Variants in EXOC2 observed in about 807,000 individuals in gnomAD.
EXOC2 encodes the protein SEC5-like 1.
Under a neutral mutation model 131.8 loss-of-function variants are expected in EXOC2, and 70 were observed. That is an observed-to-expected ratio of 0.53 (90% CI 0.44 to 0.65). EXOC2 has a LOEUF of 0.65. Ranked by LOEUF, EXOC2 falls within the 30% of genes least tolerant of loss-of-function variation. EXOC2 has a pLI of 0.00. For missense variants in EXOC2, 923 were observed against 1,108.6 expected, an observed-to-expected ratio of 0.83 and a Z score of 2.38; for synonymous variants, 411 against 398.4, an observed-to-expected ratio of 1.03 and a Z score of -0.38.
intron 1 of EXOC2, among the ~76,000 whole-genome samples, chr6:687,671 G>C (rs1377725245): frequency 6.6e-6 from 1 of 152,132 alleles, no homozygotes; most frequent in Admixed American, 6.5e-5. Flanking sequence ...TTATACACTT[G>C]CTATGTCCCA....
intron 22 of EXOC2, among the ~76,000 whole-genome samples, chr6:542,624 A>G (rs1756621561): frequency 6.6e-6 from 1 of 152,242 alleles, no homozygotes; most frequent in African/African-American, 2.4e-5. Context: ...CACTTAAGAA[A>G]TTGGACCAGT....
intron 4 of EXOC2, among the ~76,000 whole-genome samples, chr6:627,570 A>AG (rs1360343578): frequency 6.6e-6 from 1 of 152,172 alleles, no homozygotes; most frequent in Non-Finnish European, 1.5e-5. Context: ...TGGCGATGCC[A>AG]GGGATTCCTG....
At chr6:571,730 C>A (rs1758287321) in intron 13 of EXOC2, among the ~76,000 whole-genome samples, 1 of 152,208 alleles carries the variant, frequency 6.6e-6, no homozygotes, top group Non-Finnish European at 1.5e-5. Context: ...CCCCTATCTC[C>A]CCCAGAGCTC....
intron 1 of EXOC2, among the ~76,000 whole-genome samples, chr6:690,196 A>G (rs1400517782): frequency 2.0e-5 from 3 of 152,040 alleles, no homozygotes; most frequent in Non-Finnish European, 2.9e-5. Flanking sequence ...CTCCACAAAT[A>G]ATTTTTAAAA....
chr6:565,061 CTA>C (rs1561863243), intron 13 of EXOC2, 132 bp from the exon 14 acceptor site: 2 of 618,556 alleles, frequency 3.2e-6, no homozygotes, highest in Non-Finnish European at 2.5e-6. Context: ...AAGACATAAT[CTA>C]TGTTTCTGAT....
intron 1 of EXOC2, among the ~76,000 whole-genome samples, chr6:661,530 C>A (rs1315156354): frequency 6.6e-6 from 1 of 152,166 alleles, no homozygotes; most frequent in Non-Finnish European, 1.5e-5. Context: ...AATTTTGTAT[C>A]CATTGAACCT....
intron 2 of EXOC2, among the ~76,000 whole-genome samples, chr6:636,569 A>G (rs1348377126): frequency 1.3e-5 from 2 of 152,216 alleles, no homozygotes; most frequent in Admixed American, 6.5e-5. Flanking sequence ...AGTTTTCTGG[A>G]TGGCCAAAAA....
intron 22 of EXOC2, among the ~76,000 whole-genome samples, chr6:546,528 A>G (rs1756863828): frequency 6.6e-6 from 1 of 152,108 alleles, no homozygotes; most frequent in South Asian, 2.1e-4. Flanking sequence ...GGTCTGAACT[A>G]TGTGGGTCCA....
intron 17 of EXOC2, among the ~76,000 whole-genome samples, chr6:562,268 C>T (rs995143645): frequency 6.6e-5 from 10 of 152,138 alleles, no homozygotes; most frequent in Non-Finnish European, 1.5e-4. Flanking sequence ...GAGGGGCACC[C>T]GTGAGACAAG....
Position 572,619 on chromosome 6 carries a change from C to G in EXOC2, c.1344G>C (p.Arg448Ser). 5 of 1,613,990 alleles carry G rather than the reference C, an allele frequency of 3.1e-6. No individual in the cohort carries two copies. The highest frequency in any genetic ancestry group is 4.2e-6 in the Non-Finnish European group (5 of 1,179,988). The stretch of plus-strand genomic sequence containing the variant: ...TTGTCAATTTTTCAACAAAGGCCAC[C>G]CTGTGGGGAGTTTTGTATCTCCACG... Reference protein sequence around the residue: ...DDTWRYKTPHRVAFVEKLTKL... With the variant: ...DDTWRYKTPHSVAFVEKLTKL... Residue 448 changes from arginine (R) to serine (S), a missense_variant, in exon 13 of 28, where the codon AGG becomes AGC. Physicochemically the swap from Arg to Ser is moderately radical, Grantham distance 110 (BLOSUM62 -1). Transcript: ENST00000230449.
chr6:597,961 A>T, intron 10 of EXOC2, 60 bp downstream of exon 10: 1 of 1,227,898 alleles, frequency 8.1e-7, no homozygotes, highest in Admixed American at 2.0e-5. Context: ...AAGGGTTACA[A>T]GATGCATACA....
intron 6 of EXOC2, among the ~76,000 whole-genome samples, chr6:613,883 TAAATA>T (rs1760843304): frequency 6.6e-6 from 1 of 151,244 alleles, no homozygotes; most frequent in African/African-American, 2.4e-5. Context: ...AAGTATAATT[TAAATA>T]AATAAATAAA....
At chr6:509,138 T>C (rs1235160843) in intron 23 of EXOC2, among the ~76,000 whole-genome samples, 1 of 152,262 alleles carries the variant, frequency 6.6e-6, no homozygotes, top group African/African-American at 2.4e-5. Flanking sequence ...CTTCAGTGCA[T>C]ACGTATCTAC....
intron 7 of EXOC2, among the ~76,000 whole-genome samples, chr6:603,468 G>A (rs770699125): frequency 2.0e-5 from 3 of 152,164 alleles, no homozygotes; most frequent in Non-Finnish European, 2.9e-5. Flanking sequence ...AAGAGCTGAC[G>A]TCAGCACGTA....
chr6:597,219 G>C (rs890379787), intron 10 of EXOC2, among the ~76,000 whole-genome samples: 6 of 151,986 alleles, frequency 3.9e-5, no homozygotes, highest in Non-Finnish European at 7.4e-5. Flanking sequence ...CTGTTGCCCA[G>C]GCTGGAGTGC....
intron 1 of EXOC2, among the ~76,000 whole-genome samples, chr6:646,572 A>T (rs1325737789): frequency 6.6e-6 from 1 of 152,246 alleles, no homozygotes; most frequent in African/African-American, 2.4e-5. Flanking sequence ...TTAGCCTGCT[A>T]AGCTACACAA....
At chr6:495,330 T>A (rs1285522672) in intron 25 of EXOC2, among the ~76,000 whole-genome samples, 1 of 151,312 alleles carries the variant, frequency 6.6e-6, no homozygotes, top group South Asian at 2.1e-4. Flanking sequence ...TTCACCGTGT[T>A]AGCCAGGATG....
At position 487,431 on chromosome 6, in the gene EXOC2, G is replaced by A. The variant is rs569733797; in HGVS notation, c.2682-667C>T. Among the ~76,000 whole-genome samples the A allele has an allele frequency of 1.3e-3, 195 of 152,174 alleles. 1 individual carries two copies. The highest frequency in any genetic ancestry group is 1.2e-3 in the Non-Finnish European group (80 of 67,992). The stretch of plus-strand genomic sequence containing the variant: ...TAATTTTTTTTCTTTTTTTCAGATG[G>A]AGTTTTGCTCTGTCGCCCAGGCTGG... On this transcript the variant is annotated intron_variant, in intron 27 of 27. Coordinates refer to ENST00000230449, the MANE Select transcript of EXOC2 (RefSeq NM_018303.6).
chr6:605,568 T>C (rs1027036522), intron 7 of EXOC2, among the ~76,000 whole-genome samples: 1 of 152,242 alleles, frequency 6.6e-6, no homozygotes, highest in African/African-American at 2.4e-5. Context: ...TCATTTTTTA[T>C]TGCATCTATT....
Sources: allele counts gnomAD v4.1 joint callset (sites outside exome capture counted in the v4.1 genomes callset), GRCh38; gene constraint gnomAD v4.1.1; transcripts MANE v1.5; gene names NCBI Gene and HGNC (gene_info 2026-07-23, HGNC 2026-07-21).